The following MAPK6 variants were observed in gnomAD, a reference collection of about 807,000 sequenced individuals.
The protein encoded by MAPK6 is ERK-3.
MAPK6 carries 19 observed loss-of-function variants against 59.3 expected under a neutral mutation model. The observed-to-expected ratio is 0.32, with a 90% CI of 0.22 to 0.47. The LOEUF is 0.47. Ranked by LOEUF, MAPK6 falls within the 20% of genes least tolerant of loss-of-function variation. The pLI is 1.00. For synonymous variants in MAPK6, 316 were observed against 290.3 expected (o/e 1.09, Z -0.90); for missense variants, 724 against 847.9 (o/e 0.85, Z 1.81).
intron 1 of MAPK6, among the ~76,000 whole-genome samples, chr15:51,976,292 T>TA (rs1176185263): frequency 6.7e-6 from 1 of 149,630 alleles, no homozygotes; most frequent in African/African-American, 2.4e-5. Flanking sequence ...AAAAAGAAGT[T>TA]AATTATAAAC....
Position 52,065,159 on chromosome 15 carries a change from A to C in MAPK6, c.*159A>C. On this transcript the variant is annotated 3_prime_UTR_variant, in exon 6 of 6. Coordinates refer to ENST00000261845, the MANE Select transcript of MAPK6 (RefSeq NM_002748.4). ...TAAAATCCAGACTTTCTTTTTCTAC[A>C]TGTGAGATAGTTTTCATTTTAACTG... The C allele has an allele frequency of 1.6e-6, 1 of 638,302 alleles. No homozygotes were observed. The highest frequency in any genetic ancestry group is 2.5e-6 in the Non-Finnish European group (1 of 406,454). The allele number at this position is 638,302 out of a possible 1,614,324, so 39.5% of individuals were successfully genotyped here.
At position 52,012,068 on chromosome 15, in the gene MAPK6, AAT is replaced by A. The variant is rs764732980; in HGVS notation, c.-632+7669_-632+7670del. ...GTCCTGTCCACTGTGGCTCAGTTCC[AAT>A]ATCCAAAACAATCCTTTCTTATGCT... On this transcript the variant is annotated intron_variant, in intron 3 of 7. Coordinates refer to the MAPK6 transcript ENST00000691380. Among the ~76,000 whole-genome samples, 139 of 152,274 alleles carry A rather than the reference AAT, an allele frequency of 9.1e-4. 2 individuals are homozygous for A. The highest frequency in any genetic ancestry group is 1.7e-3 in the Non-Finnish European group (117 of 68,024).
intron 1 of MAPK6, among the ~76,000 whole-genome samples, chr15:52,034,322 C>G (rs189482922): frequency 1.2e-3 from 185 of 148,170 alleles, no homozygotes; most frequent in African/African-American, 4.4e-3. Flanking sequence ...TTTTGTCGTT[C>G]GTTTTTTTTT....
At chr15:52,055,946 TTGCAATGAAA>T (rs1219387317) in intron 3 of MAPK6, among the ~76,000 whole-genome samples, 2 of 152,236 alleles carry the variant, frequency 1.3e-5, no homozygotes, top group Non-Finnish European at 2.9e-5. Flanking sequence ...TAGGAATAGT[TTGCAATGAAA>T]TGATTGGAAA....
chr15:52,064,633 G>A lies in MAPK6; in HGVS notation c.1799G>A (p.Gly600Asp), dbSNP rs575423229. The change falls in exon 6 of 6, where the codon GGT becomes GAT. Residue 600 changes from glycine (G) to aspartate (D), a missense_variant. This residue lies in a region of MAPK6 where 502 missense variants were observed against 507.6 expected (regional missense o/e 0.99). Coordinates refer to ENST00000261845, the MANE Select transcript of MAPK6 (RefSeq NM_002748.4). ...QSSWDSQFVS[G>D]GEDCFFINQF... The stretch of plus-strand genomic sequence containing the variant: ...TCTTGGGACAGCCAGTTTGTGAGTG[G>A]TGGGGAGGACTGTTTTTTCATAAAT... 55 of 1,611,858 alleles carry A rather than the reference G, an allele frequency of 3.4e-5. 2 individuals carry two copies. The South Asian group carries it at 5.4e-4, about 16-fold the overall frequency.
At position 51,982,627 on chromosome 15, in the gene MAPK6, C is replaced by G. The variant is rs1188854130; in HGVS notation, c.-879-579C>G. 2.0e-5 allele frequency among the ~76,000 whole-genome samples: 3 copies of G among 152,042 alleles called. No individual in the cohort carries two copies. In the East Asian group the frequency reaches 5.8e-4, roughly 29 times the overall value. On this transcript the variant is annotated intron_variant, in intron 1 of 7. Transcript: ENST00000691380. Reference sequence around the variant, plus strand: ...AAGAATACTGCCTTTAGATAGCAATCAAAACACTTCTTATGATAAAATGAG... The same window carrying G: ...AAGAATACTGCCTTTAGATAGCAATGAAAACACTTCTTATGATAAAATGAG...
At chr15:52,022,046 G>C (rs2030553381) in intron 1 of MAPK6, among the ~76,000 whole-genome samples, 1 of 152,122 alleles carries the variant, frequency 6.6e-6, no homozygotes, top group Admixed American at 6.5e-5. Flanking sequence ...GAGTGGGGCT[G>C]GGTGCGTTGG....
chr15:51,992,258 G>C (rs115510459), intron 2 of MAPK6, among the ~76,000 whole-genome samples: 2,625 of 142,588 alleles, frequency 0.018, 78 homozygotes, highest in African/African-American at 0.071. Flanking sequence ...GCACCCGGCT[G>C]TCCCTCATTT....
intron 2 of MAPK6, among the ~76,000 whole-genome samples, chr15:51,997,690 A>G (rs541058807): frequency 1.2e-4 from 18 of 148,288 alleles, no homozygotes; most frequent in African/African-American, 4.3e-4. Flanking sequence ...TCCCGGGTTC[A>G]AGCGATTCTC....
At chr15:52,044,070 G>A (rs1595995045) in intron 1 of MAPK6, among the ~76,000 whole-genome samples, 2 of 151,926 alleles carry the variant, frequency 1.3e-5, no homozygotes, top group African/African-American at 2.4e-5. Flanking sequence ...CACCGTGTCC[G>A]GCCTTGAGAT....
chr15:51,980,942 G>C lies in MAPK6; in HGVS notation c.-879-2264G>C, dbSNP rs1333222551. Among the ~76,000 whole-genome samples the C allele has an allele frequency of 1.3e-5, 2 of 151,212 alleles. 1 individual carries two copies. The highest frequency in any genetic ancestry group is 2.9e-5 in the Non-Finnish European group (2 of 67,808). ...GATTACCTCATGGAAGCATTTGCAG[G>C]GTATCCAGAAAAAGACAGAAAACAT... On this transcript the variant is annotated intron_variant, in intron 1 of 7. Coordinates refer to the MAPK6 transcript ENST00000691380.
intron 3 of MAPK6, among the ~76,000 whole-genome samples, chr15:52,052,412 TATATAATTCAC>T (rs1279408586): frequency 1.3e-5 from 2 of 152,246 alleles, no homozygotes; most frequent in African/African-American, 4.8e-5. Context: ...GTTGTATTGT[TATATAATTCAC>T]ATATCATACA....
rs554622744 is a variant in MAPK6 at position 52,054,411 on chromosome 15, T to C, written c.701-4222T>C. 4.7e-3 allele frequency among the ~76,000 whole-genome samples: 719 copies of C among 152,238 alleles called. 2 individuals are homozygous for C. The highest frequency in any genetic ancestry group is 6.8e-3 in the Non-Finnish European group (460 of 68,008). ...AAGGGATTAACTTTTACACATTCTTTTGCATGTGGACATCCTCTTGTCCTG... is the reference window on the plus strand; with the variant it reads ...AAGGGATTAACTTTTACACATTCTTCTGCATGTGGACATCCTCTTGTCCTG... On this transcript the variant is annotated intron_variant, in intron 3 of 5. Coordinates refer to ENST00000261845, the MANE Select transcript of MAPK6 (RefSeq NM_002748.4).
chr15:52,056,378 C>CCA (rs762044340), intron 3 of MAPK6, among the ~76,000 whole-genome samples: 4 of 151,974 alleles, frequency 2.6e-5, no homozygotes, highest in Non-Finnish European at 5.9e-5. Flanking sequence ...TGTCCTGACC[C>CCA]CACAGTCCCT....
In MAPK6 at chr15:52,064,391, G is replaced by A. The variant is rs1255778463; in HGVS notation, c.1557G>A (p.Arg519=). Residue 519 remains arginine, a synonymous_variant, in exon 6 of 6, where the codon AGG becomes AGA. Transcript: ENST00000261845. ...EASQQLAGKE[R]EKNQGFDFDS... ...CACAGCAACTGGCTGGAAAAGAAAGGGAAAAGAATCAGGGATTTGATTTTG... is the reference window on the plus strand; with the variant it reads ...CACAGCAACTGGCTGGAAAAGAAAGAGAAAAGAATCAGGGATTTGATTTTG... 4 of 1,611,746 alleles carry A rather than the reference G, an allele frequency of 2.5e-6. No individual in the cohort carries two copies. The highest frequency in any genetic ancestry group is 4.5e-5 in the East Asian group (2 of 44,866).
At chr15:51,974,715 A>G (rs963133697) in intron 1 of MAPK6, among the ~76,000 whole-genome samples, 12 of 149,132 alleles carry the variant, frequency 8.0e-5, no homozygotes, top group African/African-American at 3.0e-4. Context: ...GGAATGGAGA[A>G]TTTCTTTTTT....
intron 5 of MAPK6, among the ~76,000 whole-genome samples, chr15:52,063,428 T>C (rs574449410): frequency 1.3e-5 from 2 of 152,188 alleles, no homozygotes; most frequent in African/African-American, 4.8e-5. Context: ...TGATTATACA[T>C]GTCAGTAATA....
chr15:52,031,260 A>G (rs1339618120), intron 1 of MAPK6, among the ~76,000 whole-genome samples: 2 of 152,158 alleles, frequency 1.3e-5, no homozygotes, highest in Admixed American at 6.5e-5. Context: ...TATAGGAAAT[A>G]TACTCTACTC....
intron 1 of MAPK6, among the ~76,000 whole-genome samples, chr15:52,023,601 A>G (rs2030631141): frequency 6.6e-6 from 1 of 151,916 alleles, no homozygotes; most frequent in Non-Finnish European, 1.5e-5. Context: ...TCTCTCTAAG[A>G]GTTTTTTTGT....
Sources: gnomAD v4.1 joint callset for allele counts (sites outside exome capture counted in the v4.1 genomes callset) on GRCh38, gnomAD v4.1.1 for gene constraint, gnomAD v4.1.1 regional missense constraint, MANE v1.5 for transcripts, NCBI Gene and HGNC (gene_info 2026-07-23, HGNC 2026-07-21) for gene names.